AREL1: variants seen among roughly 807,000 people sequenced by gnomAD.
The protein encoded by AREL1 is apoptosis resistant E3 ubiquitin protein ligase 1.
In AREL1, 62 loss-of-function variants were observed where a neutral mutation model predicts 99.0. The observed-to-expected ratio is 0.63, with a 90% CI of 0.51 to 0.77. The LOEUF is 0.77. Among genes scored for constraint, AREL1 ranks in the 30% least tolerant of loss-of-function variants. AREL1 has a pLI of 0.00. For missense variants in AREL1, 879 were observed against 1,027.6 expected (o/e 0.86, Z 1.98); for synonymous variants, 380 against 376.5 (o/e 1.01, Z -0.11).
intron 11 of AREL1, chr14:74,671,931 G>C (rs1351686989): frequency 4.5e-6 from 2 of 447,386 alleles, no homozygotes; most frequent in Non-Finnish European, 9.0e-6. Context: ...GCCACACGGA[G>C]AATATGGCTG....
At position 74,675,862 on chromosome 14, in the gene AREL1, T is replaced by C. The variant is rs202185961; in HGVS notation, c.917A>G (p.Asn306Ser). 129 of 1,613,928 alleles carry C rather than the reference T, an allele frequency of 8.0e-5. 1 individual carries two copies. The highest frequency in any genetic ancestry group is 1.0e-4 in the Non-Finnish European group (119 of 1,179,986). The change falls in exon 8 of 20, where the codon AAC (asparagine) becomes AGC (serine). Residue 306 changes from asparagine (N) to serine (S), a missense_variant. Asn to Ser is a conservative substitution (Grantham distance 46). Coordinates refer to ENST00000356357, the MANE Select transcript of AREL1 (RefSeq NM_001039479.2). ...YFEAYLYNATNCSSTPWHLPP... is the reference protein window; with the variant it reads ...YFEAYLYNATSCSSTPWHLPP... ...CAGGTGCCATGGAGTGCTGCTACAG[T>C]TGGTAGCATTATAAAGATAAGCCTC...
In AREL1 at chr14:74,661,292, T is replaced by C. The variant is rs1254148342; in HGVS notation, c.*2428A>G. 1 of 456,288 alleles carries C rather than the reference T, an allele frequency of 2.2e-6. No individual in the cohort carries two copies. The highest frequency in any genetic ancestry group is 4.4e-6 in the Non-Finnish European group (1 of 226,706). 28.3% of individuals were successfully genotyped at this position (456,288 alleles called of 1,614,324 possible). The stretch of plus-strand genomic sequence containing the variant: ...ATTTATTTATCTACTGTACAAAATA[T>C]TTACATCATCAGCTGCAACTGCCTG... On this transcript the variant is annotated 3_prime_UTR_variant, in exon 20 of 20. Transcript: ENST00000356357.
intron 1 of AREL1, among the ~76,000 whole-genome samples, chr14:74,697,176 A>G (rs2089993257): frequency 6.6e-6 from 1 of 151,236 alleles, no homozygotes; most frequent in Admixed American, 6.6e-5. Flanking sequence ...ACACACACAC[A>G]GCCATGAAAA....
chr14:74,669,863 A>G, intron 14 of AREL1, 84 bp downstream of exon 14: 1 of 1,582,110 alleles, frequency 6.3e-7, no homozygotes, highest in Non-Finnish European at 8.6e-7. Context: ...CTTCAACCTT[A>G]AAAATTATTT....
At chr14:74,701,346 G>A (rs1210115472) in intron 1 of AREL1, among the ~76,000 whole-genome samples, 4 of 152,100 alleles carry the variant, frequency 2.6e-5, no homozygotes, top group African/African-American at 9.7e-5. Context: ...GAGGTTTAAT[G>A]GACTCACAGT....
At position 74,675,911 on chromosome 14, in the gene AREL1, T is replaced by G. The variant is rs745919811; in HGVS notation, c.868A>C (p.Thr290Pro). Residue 290 changes from threonine to proline, a missense_variant, in exon 8 of 20, where the codon ACT becomes CCT. By Grantham distance (38) the Thr-to-Pro change is conservative. Transcript: ENST00000356357. ...EKNIVERNVS[T>P]SGVSIYFEAY... is the part of the protein sequence containing the mutation. ...TCAAAGTAAATGCTCACGCCTGAAG[T>G]GGACACATTGCGTTCGACGATATTC... 1 of 1,608,078 alleles carries G rather than the reference T, an allele frequency of 6.2e-7. No homozygotes were observed.
At chr14:74,676,845 G>GTT (rs2089492289) in intron 5 of AREL1, 93 bp from the exon 6 acceptor site, 6 of 1,038,910 alleles carry the variant, frequency 5.8e-6, no homozygotes, top group Non-Finnish European at 7.6e-6. Context: ...CGCCCAGGCT[G>GTT]GAGTGCAGTG....
At chr14:74,688,886 G>C (rs543451776) in intron 2 of AREL1, among the ~76,000 whole-genome samples, 1 of 151,780 alleles carries the variant, frequency 6.6e-6, no homozygotes, top group African/African-American at 2.4e-5. Context: ...GCCTAGGATG[G>C]AGTGCAGTGG....
At chr14:74,698,023 T>C (rs949921316) in intron 1 of AREL1, among the ~76,000 whole-genome samples, 4 of 151,524 alleles carry the variant, frequency 2.6e-5, no homozygotes, top group African/African-American at 9.8e-5. Context: ...ATCAAACTCA[T>C]AGATAATAAA....
chr14:74,671,145 T>C (rs1181875404), intron 12 of AREL1, among the ~76,000 whole-genome samples: 1 of 151,940 alleles, frequency 6.6e-6, no homozygotes, highest in Non-Finnish European at 1.5e-5. Context: ...GTAACCACGG[T>C]TCAAACACTT....
At chr14:74,709,331 T>A (rs1233716075) in intron 1 of AREL1, among the ~76,000 whole-genome samples, 2 of 152,214 alleles carry the variant, frequency 1.3e-5, no homozygotes, top group Non-Finnish European at 2.9e-5. Flanking sequence ...TCTGATCTAT[T>A]ACATGGTACT....
chr14:74,672,827 C>T lies in AREL1; in HGVS notation c.1422+4G>A. ...TCTGCTGACAGAGATGAAATTTTAC[C>T]TACCGATTCCAACAAGGCATGTCTG... On this transcript the variant is annotated splice_donor_region_variant and intron_variant, in intron 11 of 19. Coordinates refer to ENST00000356357, the MANE Select transcript of AREL1 (RefSeq NM_001039479.2). 1.2e-6 allele frequency: 2 copies of T among 1,614,070 alleles called. No homozygotes were observed. Among genetic ancestry groups the T allele is most frequent in the East Asian group, 2.2e-5 (1 of 44,890 alleles).
intron 2 of AREL1, among the ~76,000 whole-genome samples, chr14:74,688,233 G>C (rs2089792371): frequency 1.3e-5 from 2 of 151,798 alleles, no homozygotes; most frequent in African/African-American, 2.4e-5. Flanking sequence ...CACTGTGTTA[G>C]CCAGGATGGT....
At chr14:74,688,019 C>CTTTT (rs764034669) in intron 2 of AREL1, among the ~76,000 whole-genome samples, 10 of 108,714 alleles carry the variant, frequency 9.2e-5, no homozygotes, top group Non-Finnish European at 1.3e-4. Context: ...TGAGTACTTA[C>CTTTT]TTTTTTTTTT....
intron 6 of AREL1, 126 bp from the exon 7 acceptor site, chr14:74,676,447 G>C (rs899177523): frequency 7.1e-7 from 1 of 1,414,324 alleles, no homozygotes; most frequent in African/African-American, 1.4e-5. Flanking sequence ...AATGAGACAG[G>C]TATTGTCAGA....
intron 17 of AREL1, among the ~76,000 whole-genome samples, chr14:74,665,414 C>T (rs2089193334): frequency 6.6e-6 from 1 of 151,982 alleles, no homozygotes; most frequent in South Asian, 2.1e-4. Context: ...GATGAACACC[C>T]TAAGAACTGC....
chr14:74,691,890 T>C (rs964609863), intron 2 of AREL1, 151 bp downstream of exon 2: 2 of 160,542 alleles, frequency 1.2e-5, no homozygotes, highest in Non-Finnish European at 2.7e-5. Context: ...GGTTTCTTCA[T>C]ATTTAAAATT....
chr14:74,671,608 T>C, intron 11 of AREL1, 125 bp from the exon 12 acceptor site: 1 of 531,388 alleles, frequency 1.9e-6, no homozygotes, highest in Non-Finnish European at 3.3e-6. Flanking sequence ...GGAGATATGT[T>C]ACTCATAAAC....
chr14:74,671,468 G>A lies in AREL1; in HGVS notation c.1438C>T (p.Arg480Trp), dbSNP rs746672169. 29 of 1,597,734 alleles carry A rather than the reference G, an allele frequency of 1.8e-5. No individual in the cohort carries two copies. The highest frequency in any genetic ancestry group is 2.7e-5 in the African/African-American group (2 of 73,634). Residue 480 changes from arginine to tryptophan, a missense_variant, in exon 12 of 20, where the codon CGG becomes TGG. Coordinates refer to ENST00000356357, the MANE Select transcript of AREL1 (RefSeq NM_001039479.2). ...ALLESSLKATRNFSISDWSKN... is the reference protein window; with the variant it reads ...ALLESSLKATWNFSISDWSKN... ...CTCCAATCTGAGATGGAGAAATTCC[G>A]AGTGGCTTTCAGAGACTGAAAAGAA...
Sources: allele counts gnomAD v4.1 joint callset (sites outside exome capture counted in the v4.1 genomes callset), GRCh38; gene constraint gnomAD v4.1.1; transcripts MANE v1.5; gene names NCBI Gene and HGNC (gene_info 2026-07-23, HGNC 2026-07-21).